FHIT: variants seen among roughly 807,000 people sequenced by gnomAD.
FHIT encodes the protein fragile histidine triad diadenosine triphosphatase, also known as bis(5'-adenosyl)-triphosphatase.
A neutral mutation model predicts 17.9 loss-of-function variants in FHIT; 19 were observed. The observed-to-expected ratio is 1.06, with a 90% confidence interval of 0.74 to 1.56. FHIT has a LOEUF of 1.56. Among genes scored for constraint, FHIT ranks in the 40% most tolerant of loss-of-function variants. The pLI is 0.00. For missense variants in FHIT, 248 were observed against 189.2 expected, an observed-to-expected ratio of 1.31 and a Z score of -1.82; for synonymous variants, 81 against 69.7, an observed-to-expected ratio of 1.16 and a Z score of -0.81.
chr3:60,599,642 C>T (rs568673855), intron 4 of FHIT, among the ~76,000 whole-genome samples: 1 of 147,908 alleles, frequency 6.8e-6, no homozygotes, highest in South Asian at 2.1e-4. Context: ...GACAATATCA[C>T]AACTGTACTC....
rs568184497 is a variant in FHIT at position 60,257,922 on chromosome 3, C to T, written c.104-243770G>A. 8.5e-5 allele frequency among the ~76,000 whole-genome samples: 13 copies of T among 152,084 alleles called. No individual in the cohort carries two copies. In the South Asian group the frequency reaches 1.0e-3, roughly 12 times the overall value. On this transcript the variant is annotated intron_variant, in intron 5 of 9. Coordinates refer to ENST00000492590, the MANE Select transcript of FHIT (RefSeq NM_002012.4). The stretch of plus-strand genomic sequence containing the variant: ...GTCAACGGGGAGGAGAGAGAATATC[C>T]GGAAGAAGAGCTAATGGATGCTGGG...
intron 7 of FHIT, among the ~76,000 whole-genome samples, chr3:59,956,207 C>T (rs1257811194): frequency 2.0e-5 from 3 of 152,060 alleles, no homozygotes; most frequent in African/African-American, 7.2e-5. Context: ...GTTAAAAGCC[C>T]CAGCTCTGGA....
chr3:60,230,412 TTTC>T (rs1704435369), intron 5 of FHIT, among the ~76,000 whole-genome samples: 1 of 152,130 alleles, frequency 6.6e-6, no homozygotes, highest in Non-Finnish European at 1.5e-5. Context: ...GACATTATAA[TTTC>T]TTATCTACAC....
At chr3:60,685,129 G>A (rs548044761) in intron 4 of FHIT, among the ~76,000 whole-genome samples, 4 of 152,098 alleles carry the variant, frequency 2.6e-5, no homozygotes, top group South Asian at 2.1e-4. Flanking sequence ...GCCCAAGCCC[G>A]TTGGCTTTGT....
intron 2 of FHIT, among the ~76,000 whole-genome samples, chr3:61,111,576 C>T (rs1414289152): frequency 6.6e-6 from 1 of 152,196 alleles, no homozygotes; most frequent in Non-Finnish European, 1.5e-5. Flanking sequence ...AACACTTCCA[C>T]ACCTCCCCAG....
intron 2 of FHIT, among the ~76,000 whole-genome samples, chr3:61,044,262 A>C (rs2033672798): frequency 6.6e-6 from 1 of 152,224 alleles, no homozygotes; most frequent in African/African-American, 2.4e-5. Flanking sequence ...GGCTAACTAG[A>C]ATAACCAGTG....
chr3:60,055,132 C>T (rs2106899211), intron 5 of FHIT, among the ~76,000 whole-genome samples: 1 of 152,250 alleles, frequency 6.6e-6, no homozygotes, highest in East Asian at 1.9e-4. Flanking sequence ...ACCTCATATA[C>T]TTTTCTCACA....
chr3:60,226,192 G>A (rs1181258638), intron 5 of FHIT, among the ~76,000 whole-genome samples: 1 of 152,064 alleles, frequency 6.6e-6, no homozygotes, highest in African/African-American at 2.4e-5. Context: ...AGCACTGTTG[G>A]CTGGGCGCAG....
intron 5 of FHIT, among the ~76,000 whole-genome samples, chr3:60,085,260 G>A (rs1170928655): frequency 1.3e-5 from 2 of 152,140 alleles, no homozygotes; most frequent in Non-Finnish European, 2.9e-5. Flanking sequence ...GACAAGCAGA[G>A]AGAAGATTAC....
chr3:60,026,977 T>G (rs552979462), intron 5 of FHIT, among the ~76,000 whole-genome samples: 1 of 152,114 alleles, frequency 6.6e-6, no homozygotes, highest in Admixed American at 6.5e-5. Context: ...CACACACCTG[T>G]AATCCCAGCT....
At chr3:60,967,840 A>G (rs1709821431) in intron 3 of FHIT, among the ~76,000 whole-genome samples, 2 of 152,194 alleles carry the variant, frequency 1.3e-5, no homozygotes, top group Admixed American at 6.5e-5. Flanking sequence ...TATAATCTAC[A>G]AATTGACTAC....
chr3:61,156,217 A>G (rs1201599110), intron 2 of FHIT, among the ~76,000 whole-genome samples: 17 of 152,194 alleles, frequency 1.1e-4, no homozygotes. Context: ...GTAATAAATC[A>G]TGGCTGCAAG....
chr3:60,274,917 C>A (rs1217017220), intron 5 of FHIT, among the ~76,000 whole-genome samples: 2 of 152,078 alleles, frequency 1.3e-5, no homozygotes, highest in African/African-American at 4.8e-5. Context: ...GAAAAAAATT[C>A]TATTTTAATT....
At chr3:61,046,549 T>C (rs929918574) in intron 2 of FHIT, among the ~76,000 whole-genome samples, 1 of 152,198 alleles carries the variant, frequency 6.6e-6, no homozygotes, top group Non-Finnish European at 1.5e-5. Context: ...CACAGCCGAA[T>C]TCTACCAGAG....
intron 8 of FHIT, among the ~76,000 whole-genome samples, chr3:59,792,113 GA>G (rs1217915553): frequency 6.7e-6 from 1 of 149,922 alleles, no homozygotes; most frequent in Non-Finnish European, 1.5e-5. Flanking sequence ...GTGTCAAATG[GA>G]ATGACTAATC....
At chr3:60,317,759 C>A (rs1379400738) in intron 5 of FHIT, among the ~76,000 whole-genome samples, 1 of 146,904 alleles carries the variant, frequency 6.8e-6, no homozygotes, top group Non-Finnish European at 1.5e-5. Context: ...AGTACTAGTT[C>A]AAAATTCCAT....
chr3:60,401,625 A>T (rs1701660242), intron 5 of FHIT, among the ~76,000 whole-genome samples: 1 of 151,978 alleles, frequency 6.6e-6, no homozygotes, highest in African/African-American at 2.4e-5. Flanking sequence ...GTGCTTCCCC[A>T]CCCCATGTAG....
intron 3 of FHIT, among the ~76,000 whole-genome samples, chr3:60,957,603 C>T (rs1020840962): frequency 2.6e-5 from 4 of 152,206 alleles, no homozygotes; most frequent in Non-Finnish European, 5.9e-5. Flanking sequence ...AAAACAACTG[C>T]ATATTCTTTT....
intron 3 of FHIT, among the ~76,000 whole-genome samples, chr3:60,957,118 A>C (rs1553779163): frequency 6.6e-6 from 1 of 152,226 alleles, no homozygotes; most frequent in Non-Finnish European, 1.5e-5. Flanking sequence ...GGCAGAGATA[A>C]TCATCATGTA....
Sources: allele counts gnomAD v4.1 joint callset (sites outside exome capture counted in the v4.1 genomes callset), GRCh38; gene constraint gnomAD v4.1.1; transcripts MANE v1.5; gene names NCBI Gene and HGNC (gene_info 2026-07-23, HGNC 2026-07-21).